CNBD1: variants seen among roughly 807,000 people sequenced by gnomAD.
CNBD1 encodes the protein cyclic nucleotide binding domain containing 1.
In CNBD1, 71 loss-of-function variants were observed where a neutral mutation model predicts 54.4. The observed-to-expected ratio is 1.30, with a 90% CI of 1.08 to 1.59. The LOEUF (loss-of-function observed/expected upper bound fraction) is 1.59, where lower values mean the gene tolerates loss of function less well. CNBD1 is among the 40% of genes most tolerant of loss of function. The pLI, the probability that CNBD1 is intolerant of heterozygous loss-of-function variation, is 0.00. For synonymous variants in CNBD1, 182 were observed against 170.7 expected (o/e 1.07, Z -0.51); for missense variants, 659 against 518.0 (o/e 1.27, Z -2.64).
intron 4 of CNBD1, among the ~76,000 whole-genome samples, chr8:87,060,026 G>A (rs1236518874): frequency 6.6e-6 from 1 of 152,196 alleles, no homozygotes; most frequent in African/African-American, 2.4e-5. Flanking sequence ...CTCTGCCCTG[G>A]GGTGACTCCT....
At chr8:87,297,094 C>T (rs1193049103) in intron 8 of CNBD1, among the ~76,000 whole-genome samples, 2 of 139,134 alleles carry the variant, frequency 1.4e-5, no homozygotes, top group South Asian at 2.3e-4. Flanking sequence ...AGGAGAATGG[C>T]GTGAACCAGA....
intron 4 of CNBD1, among the ~76,000 whole-genome samples, chr8:87,087,688 G>T (rs1329359356): frequency 6.6e-6 from 1 of 151,744 alleles, no homozygotes; most frequent in African/African-American, 2.4e-5. Flanking sequence ...GGATGGTCTC[G>T]ATCCCCTGAC....
At chr8:87,247,735 C>T (rs1340072436) in intron 6 of CNBD1, among the ~76,000 whole-genome samples, 1 of 152,180 alleles carries the variant, frequency 6.6e-6, no homozygotes, top group Non-Finnish European at 1.5e-5. Flanking sequence ...CGTGTTTGCT[C>T]TGCATCCATT....
At chr8:86,978,389 A>G (rs1808391010) in intron 4 of CNBD1, among the ~76,000 whole-genome samples, 2 of 152,138 alleles carry the variant, frequency 1.3e-5, no homozygotes, top group South Asian at 4.1e-4. Flanking sequence ...GAGATAGCAG[A>G]TAATTTAGAC....
chr8:87,381,760 C>T (rs58479952), intron 10 of CNBD1, among the ~76,000 whole-genome samples: 1 of 151,524 alleles, frequency 6.6e-6, no homozygotes, highest in Non-Finnish European at 1.5e-5. Context: ...TCACAGAATC[C>T]CCAAACCTGA....
At chr8:87,141,144 G>A (rs1018717026) in intron 4 of CNBD1, among the ~76,000 whole-genome samples, 2 of 152,050 alleles carry the variant, frequency 1.3e-5, no homozygotes, top group Non-Finnish European at 2.9e-5. Context: ...TTACTTAGTA[G>A]AAATACCCTT....
intron 8 of CNBD1, among the ~76,000 whole-genome samples, chr8:87,331,081 G>T (rs1458488545): frequency 6.6e-6 from 1 of 151,976 alleles, no homozygotes; most frequent in Non-Finnish European, 1.5e-5. Flanking sequence ...TAAGTTCGAG[G>T]ATACATGTGC....
intron 4 of CNBD1, among the ~76,000 whole-genome samples, chr8:86,975,140 G>A (rs1236737873): frequency 1.3e-5 from 2 of 151,878 alleles, no homozygotes; most frequent in Admixed American, 6.6e-5. Context: ...GTTGTATTTT[G>A]TATGGCTTAC....
chr8:86,994,027 C>T (rs371274364), intron 4 of CNBD1, among the ~76,000 whole-genome samples: 26 of 152,164 alleles, frequency 1.7e-4, no homozygotes, highest in African/African-American at 5.6e-4. Flanking sequence ...CCAGCCCAGC[C>T]CAGTACAGGG....
At chr8:87,161,253 A>C (rs1812851423) in intron 4 of CNBD1, among the ~76,000 whole-genome samples, 1 of 152,124 alleles carries the variant, frequency 6.6e-6, no homozygotes, top group South Asian at 2.1e-4. Flanking sequence ...AGTGAAAGGA[A>C]AACAGTTTAC....
At chr8:87,157,086 A>G (rs1812757695) in intron 4 of CNBD1, among the ~76,000 whole-genome samples, 1 of 152,180 alleles carries the variant, frequency 6.6e-6, no homozygotes, top group African/African-American at 2.4e-5. Flanking sequence ...CATGAGTTTT[A>G]ATGAAGCAGA....
At chr8:86,893,349 C>G (rs560876794) in intron 2 of CNBD1, among the ~76,000 whole-genome samples, 1 of 152,270 alleles carries the variant, frequency 6.6e-6, no homozygotes, top group South Asian at 2.1e-4. Flanking sequence ...GTTATTACCA[C>G]GACTAGAAGG....
intron 4 of CNBD1, among the ~76,000 whole-genome samples, chr8:86,998,406 G>C (rs1808924799): frequency 6.6e-6 from 1 of 151,970 alleles, no homozygotes; most frequent in Non-Finnish European, 1.5e-5. Context: ...GAAATCACCA[G>C]CAAAAAGCAC....
chr8:87,030,933 C>G (rs1263453090), intron 4 of CNBD1, among the ~76,000 whole-genome samples: 2 of 103,590 alleles, frequency 1.9e-5, no homozygotes, highest in Non-Finnish European at 3.8e-5. Flanking sequence ...CTCCTGCCCC[C>G]CTTCCCCCTC....
intron 8 of CNBD1, among the ~76,000 whole-genome samples, chr8:87,348,384 T>A (rs1810216506): frequency 6.6e-6 from 1 of 152,200 alleles, no homozygotes; most frequent in South Asian, 2.1e-4. Context: ...TGTAAAGCCC[T>A]TTCTAACCAA....
intron 4 of CNBD1, among the ~76,000 whole-genome samples, chr8:86,976,888 A>C (rs1416162400): frequency 6.6e-6 from 1 of 152,032 alleles, no homozygotes; most frequent in East Asian, 1.9e-4. Context: ...TGACCTACTA[A>C]TTTACTAAGT....
At chr8:86,923,223 T>G (rs181655658) in intron 3 of CNBD1, among the ~76,000 whole-genome samples, 1 of 152,304 alleles carries the variant, frequency 6.6e-6, no homozygotes, top group African/African-American at 2.4e-5. Context: ...TTTGAAGTAC[T>G]CCTTTTGAAG....
intron 2 of CNBD1, among the ~76,000 whole-genome samples, chr8:87,395,147 G>A (rs1056769366): frequency 2.6e-5 from 4 of 151,808 alleles, no homozygotes; most frequent in African/African-American, 9.7e-5. Flanking sequence ...ATGATAATAA[G>A]TAATATTAGG....
intron 4 of CNBD1, among the ~76,000 whole-genome samples, chr8:87,026,617 A>G (rs1191629350): frequency 1.3e-5 from 2 of 152,160 alleles, no homozygotes; most frequent in Non-Finnish European, 2.9e-5. Context: ...ACAAAAATTC[A>G]CCAAACAAGA....
Sources: allele counts gnomAD v4.1 joint callset (sites outside exome capture counted in the v4.1 genomes callset), GRCh38; gene constraint gnomAD v4.1.1; transcripts MANE v1.5; gene names NCBI Gene and HGNC (gene_info 2026-07-23, HGNC 2026-07-21).